Variants in DMGDH observed in about 807,000 individuals in gnomAD.
DMGDH encodes dimethylglycine dehydrogenase, mitochondrial.
A neutral mutation model predicts 95.2 loss-of-function variants in DMGDH; 76 were observed. The observed-to-expected ratio is 0.80, with a 90% CI of 0.66 to 0.97. DMGDH has a LOEUF of 0.97. Ranked by LOEUF, DMGDH falls within the 50% of genes least tolerant of loss-of-function variation. The probability of loss-of-function intolerance (pLI) is 0.00; values close to 1 mark genes in which losing one functional copy is unlikely to be tolerated. For missense variants in DMGDH, 987 were observed against 1,055.0 expected, an observed-to-expected ratio of 0.94 and a Z score of 0.89; for synonymous variants, 345 against 377.6, an observed-to-expected ratio of 0.91 and a Z score of 1.00.
rs1245638003 is a variant in DMGDH at position 79,033,256 on chromosome 5, T to G, written c.1346A>C (p.Tyr449Ser). The G allele has an allele frequency of 6.2e-7, 1 of 1,614,188 alleles. No homozygotes were observed. ...TACCTTACCAATATTGTTGAATCCA[T>G]ATGATTCTCTTGCTTTGGCCTCAGT... The part of the protein sequence containing the change: ...QYTEAKARES[Y>S]GFNNIVGYPK... Residue 449 changes from tyrosine to serine, a missense_variant, in exon 8 of 16, where the codon TAT (tyrosine) becomes TCT (serine). Coordinates refer to ENST00000255189, the MANE Select transcript of DMGDH (RefSeq NM_013391.3).
intron 15 of DMGDH, among the ~76,000 whole-genome samples, chr5:78,999,488 G>A (rs578140163): frequency 3.3e-5 from 5 of 152,102 alleles, no homozygotes; most frequent in African/African-American, 7.2e-5. Flanking sequence ...CCACCACCAC[G>A]CCCGGCTAAT....
chr5:79,023,273 G>A (rs141173817), intron 14 of DMGDH, among the ~76,000 whole-genome samples: 26 of 152,156 alleles, frequency 1.7e-4, no homozygotes, highest in Non-Finnish European at 3.5e-4. Flanking sequence ...TTTATTTTTG[G>A]AGTTCTAACA....
At chr5:79,054,433 C>T in intron 3 of DMGDH, 85 bp from the exon 4 acceptor site, 1 of 1,332,182 alleles carries the variant, frequency 7.5e-7, no homozygotes, top group Admixed American at 1.8e-5. Context: ...AATGAAAATG[C>T]AGCTGTACAA....
In DMGDH at chr5:79,051,326, G is replaced by T; in HGVS notation, c.706C>A (p.Gln236Lys). ...SDGTWDVETP[Q>K]GSMRANRIVN... ...ATTCTATTTGCTCTCATAGACCCCT[G>T]TGGTGTTTCAACGTCCCATGTTCCA... is the stretch of plus-strand genomic sequence containing the variant. The change falls in exon 5 of 16, where the codon CAG becomes AAG. Residue 236 changes from glutamine (Q) to lysine (K), a missense_variant. By Grantham distance (53) the Gln-to-Lys change is moderately conservative (BLOSUM62 1). Transcript: ENST00000255189. 6.2e-7 allele frequency: 1 copy of T among 1,614,190 alleles called. No individual in the cohort carries two copies. The highest frequency in any genetic ancestry group is 8.5e-7 in the Non-Finnish European group (1 of 1,180,030).
At chr5:79,016,580 A>G (rs1351830085) in intron 14 of DMGDH, among the ~76,000 whole-genome samples, 2 of 152,240 alleles carry the variant, frequency 1.3e-5, no homozygotes, top group Non-Finnish European at 2.9e-5. Context: ...GACAGAAATA[A>G]AAGATGACCT....
At chr5:79,006,643 C>T (rs781169395) in intron 14 of DMGDH, among the ~76,000 whole-genome samples, 20 of 152,144 alleles carry the variant, frequency 1.3e-4, no homozygotes, top group Non-Finnish European at 1.9e-4. Flanking sequence ...ACTCTCTGAA[C>T]GCAAAGAAAG....
chr5:79,069,249 T>C (rs765365596), intron 1 of DMGDH, among the ~76,000 whole-genome samples: 9 of 152,214 alleles, frequency 5.9e-5, no homozygotes, highest in Non-Finnish European at 1.0e-4. Flanking sequence ...TATACTGACC[T>C]GTGTTTGCCT....
chr5:79,068,117 C>G (rs554450401), intron 1 of DMGDH, among the ~76,000 whole-genome samples: 25 of 152,088 alleles, frequency 1.6e-4, no homozygotes, highest in African/African-American at 6.0e-4. Flanking sequence ...AGAGTTTCAC[C>G]ATGTTGATCA....
intron 1 of DMGDH, among the ~76,000 whole-genome samples, chr5:79,066,442 C>A (rs998984163): frequency 6.6e-6 from 1 of 151,744 alleles, no homozygotes; most frequent in East Asian, 1.9e-4. Context: ...CCCACCACCA[C>A]GCCCGGCTAA....
In DMGDH at chr5:79,017,050, G is replaced by T. The variant is rs116484051; in HGVS notation, c.2250+7221C>A. On this transcript the variant is annotated intron_variant, in intron 14 of 15. Coordinates refer to ENST00000255189, the MANE Select transcript of DMGDH (RefSeq NM_013391.3). ...CCAGATACAAGATCAACTAAAAATGGATCATAGACCTAAATGTAAAAAGTA... is the reference window on the plus strand; with the variant it reads ...CCAGATACAAGATCAACTAAAAATGTATCATAGACCTAAATGTAAAAAGTA... Among the ~76,000 whole-genome samples the T allele has an allele frequency of 4.2e-3, 641 of 151,962 alleles. 6 individuals carry two copies. Among genetic ancestry groups the T allele is most frequent in the African/African-American group, 0.015 (608 of 41,446 alleles).
At chr5:79,014,130 C>G (rs1012154590) in intron 14 of DMGDH, among the ~76,000 whole-genome samples, 1 of 152,110 alleles carries the variant, frequency 6.6e-6, no homozygotes, top group East Asian at 1.9e-4. Flanking sequence ...GAACAGGAAC[C>G]ATAGTCACTA....
chr5:79,049,469 C>T (rs1258358163), intron 5 of DMGDH, among the ~76,000 whole-genome samples: 3 of 152,120 alleles, frequency 2.0e-5, no homozygotes, highest in Admixed American at 1.3e-4. Flanking sequence ...ATGAGTGCAG[C>T]GATTAATTAG....
chr5:79,051,534 C>T, intron 4 of DMGDH, 43 bp from the exon 5 acceptor site: 1 of 1,520,442 alleles, frequency 6.6e-7, no homozygotes, highest in Non-Finnish European at 9.1e-7. Context: ...TATATATATA[C>T]TTATTACTCA....
Position 79,026,579 on chromosome 5 carries a change from C to T in DMGDH, c.2035G>A (p.Glu679Lys), listed in dbSNP as rs1242662041. The T allele has an allele frequency of 1.2e-6, 2 of 1,613,934 alleles. No individual in the cohort carries two copies. The highest frequency in any genetic ancestry group is 1.3e-5 in the African/African-American group (1 of 74,894). The change falls in exon 13 of 16, where the codon GAG becomes AAG. Residue 679 changes from glutamate to lysine, a missense_variant and splice_region_variant. Physicochemically the swap from Glu to Lys is moderately conservative, Grantham distance 56. Coordinates refer to ENST00000255189, the MANE Select transcript of DMGDH (RefSeq NM_013391.3). The part of the protein sequence containing the change: ...VTAIRISYTG[E>K]LGWELYHRRE... Reference sequence around the variant, plus strand: ...CTGTGATACAGCTCCCAACCCAGCTCACCTGAAATAAACCCACAGGTGCCA... The same window carrying T: ...CTGTGATACAGCTCCCAACCCAGCTTACCTGAAATAAACCCACAGGTGCCA...
intron 7 of DMGDH, among the ~76,000 whole-genome samples, chr5:79,034,076 G>A (rs116533993): frequency 0.015 from 2,290 of 152,286 alleles, 47 homozygotes; most frequent in African/African-American, 0.052. Flanking sequence ...ACAGACAGAT[G>A]TGGCTGGTAC....
intron 14 of DMGDH, among the ~76,000 whole-genome samples, chr5:79,022,184 T>C (rs965457909): frequency 1.4e-4 from 21 of 152,192 alleles, no homozygotes; most frequent in African/African-American, 4.6e-4. Flanking sequence ...AATATAAATA[T>C]CTCTCTGTAT....
intron 14 of DMGDH, among the ~76,000 whole-genome samples, chr5:79,023,767 G>C (rs1302525486): frequency 6.6e-6 from 1 of 152,158 alleles, no homozygotes; most frequent in African/African-American, 2.4e-5. Context: ...TTTGAAACGT[G>C]TTATTTGCTT....
At chr5:79,019,038 G>T (rs867796016) in intron 14 of DMGDH, among the ~76,000 whole-genome samples, 8 of 151,934 alleles carry the variant, frequency 5.3e-5, no homozygotes, top group Non-Finnish European at 8.8e-5. Context: ...GCTTAATTCA[G>T]ATGACACAAT....
At chr5:79,056,340 G>A (rs545312133) in intron 2 of DMGDH, among the ~76,000 whole-genome samples, 16 of 148,926 alleles carry the variant, frequency 1.1e-4, no homozygotes, top group African/African-American at 2.2e-4. Flanking sequence ...GTGAAACCCC[G>A]TCTCTATTAA....
Sources: allele counts gnomAD v4.1 joint callset (sites outside exome capture counted in the v4.1 genomes callset), GRCh38; gene constraint gnomAD v4.1.1; transcripts MANE v1.5; gene names NCBI Gene and HGNC (gene_info 2026-07-23, HGNC 2026-07-21).